The following MS4A2 variants were observed in gnomAD, a reference collection of about 807,000 sequenced individuals.
MS4A2 encodes the protein high affinity immunoglobulin epsilon receptor subunit beta.
A neutral mutation model predicts 27.9 loss-of-function variants in MS4A2; 26 were observed. The observed-to-expected ratio is 0.93, with a 90% CI of 0.68 to 1.29. The LOEUF (loss-of-function observed/expected upper bound fraction) is 1.29, where lower values mean the gene tolerates loss of function less well. MS4A2 is among the 50% of genes most tolerant of loss of function. MS4A2 has a pLI of 0.00. For missense variants in MS4A2, 284 were observed against 284.6 expected (o/e 1.00, Z 0.01); for synonymous variants, 110 against 98.8 (o/e 1.11, Z -0.67).
At position 60,088,804 on chromosome 11, in the gene MS4A2, C is replaced by T; in HGVS notation, c.39C>T (p.Leu13=). 2 of 1,611,520 alleles carry T rather than the reference C, an allele frequency of 1.2e-6. No individual in the cohort carries two copies. The highest frequency in any genetic ancestry group is 1.7e-5 in the Admixed American group (1 of 59,876). The change falls in exon 1 of 7, where the codon CTC becomes CTT. Residue 13 remains leucine (L), a synonymous_variant. Transcript: ENST00000278888. ...TESNRRANLA[L]PQEPSSVPAF... ...GTAATAGGAGAGCAAATCTTGCTCTCCCACAGGAGCCTTCCAGGTAGGTAC... is the reference window on the plus strand; with the variant it reads ...GTAATAGGAGAGCAAATCTTGCTCTTCCACAGGAGCCTTCCAGGTAGGTAC...
intron 3 of MS4A2, 149 bp downstream of exon 3, chr11:60,090,619 T>G (rs972057451): frequency 3.3e-5 from 24 of 721,664 alleles, no homozygotes; most frequent in African/African-American, 5.4e-5. Flanking sequence ...AACATAGATA[T>G]GCTCATTAAC....
intron 2 of MS4A2, 106 bp from the exon 3 acceptor site, chr11:60,090,230 C>T: frequency 8.7e-7 from 1 of 1,145,240 alleles, no homozygotes; most frequent in South Asian, 1.2e-5. Flanking sequence ...TCAGGACAGT[C>T]TAGGACACTA....
In MS4A2 at chr11:60,095,770, T is replaced by G. The variant is rs1855859542; in HGVS notation, c.*114T>G. 1 of 731,810 alleles carries G rather than the reference T, an allele frequency of 1.4e-6. No homozygotes were observed. The highest frequency in any genetic ancestry group is 1.7e-5 in the African/African-American group (1 of 57,388). 45.3% of individuals were successfully genotyped at this position (731,810 alleles called of 1,614,324 possible). ...TCTCCACAGCCTGCTGGTTTTACAT[T>G]AGATTTATTCGCCTGATAAGAATAT... is the stretch of plus-strand genomic sequence containing the variant. On this transcript the variant is annotated 3_prime_UTR_variant, in exon 7 of 7. Transcript: ENST00000278888.
upstream of MS4A2, chr11:60,088,508 G>C: frequency 1.1e-6 from 1 of 906,498 alleles, no homozygotes; most frequent in Non-Finnish European, 1.5e-6. Context: ...TGCTCCAGGA[G>C]TCTCAAATTT....
chr11:60,092,388 C>T (rs764552440), intron 3 of MS4A2, among the ~76,000 whole-genome samples: 7 of 151,900 alleles, frequency 4.6e-5, no homozygotes, highest in African/African-American at 1.2e-4. Flanking sequence ...CTCTGCCTCC[C>T]GGGTTCAAGT....
chr11:60,094,257 T>A (rs990735864), intron 6 of MS4A2, among the ~76,000 whole-genome samples, 195 bp downstream of exon 6: 2 of 152,178 alleles, frequency 1.3e-5, no homozygotes, highest in Non-Finnish European at 2.9e-5. Context: ...TCATAATATA[T>A]CCCTCTGAAT....
At chr11:60,089,655 A>G in intron 1 of MS4A2, 37 bp from the exon 2 acceptor site, 1 of 1,613,906 alleles carries the variant, frequency 6.2e-7, no homozygotes, top group African/African-American at 1.3e-5. Flanking sequence ...GGAGTTACAG[A>G]ATGTTCTCAT....
At chr11:60,094,856 A>G (rs1304443975) in intron 6 of MS4A2, among the ~76,000 whole-genome samples, 1 of 152,146 alleles carries the variant, frequency 6.6e-6, no homozygotes, top group East Asian at 1.9e-4. Context: ...CAAAAACAGA[A>G]AAGGAAACAT....
chr11:60,095,965 A>G lies in MS4A2; in HGVS notation c.*309A>G, dbSNP rs570954733. The G allele has an allele frequency of 1.0e-5, 3 of 289,736 alleles. No individual in the cohort carries two copies. Among genetic ancestry groups the G allele is most frequent in the East Asian group, 1.6e-4 (2 of 12,710 alleles). 17.9% of individuals were successfully genotyped at this position (289,736 alleles called of 1,614,324 possible). The stretch of plus-strand genomic sequence containing the variant: ...TATAACTGTGCAAATACAGAAAAAA[A>G]GAAGGCTGGCTGAAAGTTGAGTTAA... On this transcript the variant is annotated 3_prime_UTR_variant, in exon 7 of 7. Coordinates refer to ENST00000278888, the MANE Select transcript of MS4A2 (RefSeq NM_000139.5).
In MS4A2 at chr11:60,095,916, G is replaced by A. The variant is rs1040585086; in HGVS notation, c.*260G>A. The A allele has an allele frequency of 6.5e-6, 3 of 459,556 alleles. No homozygotes were observed. Among genetic ancestry groups the A allele is most frequent in the Non-Finnish European group, 1.2e-5 (3 of 252,978 alleles). The allele number at this position is 459,556 out of a possible 1,614,324, so 28.5% of individuals were successfully genotyped here. ...ATCTCTGCTGGAAAGTCAACATGTA[G>A]TAAGCAAGATTTAACTGTTTGATTA... On this transcript the variant is annotated 3_prime_UTR_variant, in exon 7 of 7. Transcript: ENST00000278888.
At chr11:60,093,676 G>C (rs187908107) in intron 5 of MS4A2, 118 bp downstream of exon 5, 11 of 1,406,012 alleles carry the variant, frequency 7.8e-6, no homozygotes, top group African/African-American at 1.4e-5. Context: ...ACACAGTATA[G>C]TGGTTCTGTA....
rs753007167 is a variant in MS4A2 at position 60,090,350 on chromosome 11, G to T, written c.201G>T (p.Leu67=). The T allele has an allele frequency of 2.5e-6, 4 of 1,612,890 alleles. No homozygotes were observed. Among genetic ancestry groups the T allele is most frequent in the Non-Finnish European group, 3.4e-6 (4 of 1,179,830 alleles). ...EQEFLGVTQI[L]TAMICLCFGT... The stretch of plus-strand genomic sequence containing the variant: ...TTTTTCTATAGGTAACACAAATTCT[G>T]ACTGCTATGATATGCCTTTGTTTTG... Residue 67 remains leucine (L), a synonymous_variant, in exon 3 of 7, where the codon CTG becomes CTT. Transcript: ENST00000278888.
In MS4A2 at chr11:60,093,635, A is replaced by G. The variant is rs764947894; in HGVS notation, c.537+77A>G. ...GTAAGAAGCCCTCTTCTCCTGTTCC[A>G]TGAACACCATCCTTTTCTGTAACTT... On this transcript the variant is annotated intron_variant, in intron 5 of 6. Transcript: ENST00000278888. 25 of 1,544,934 alleles carry G rather than the reference A, an allele frequency of 1.6e-5. No homozygotes were observed. In the Middle Eastern group the frequency reaches 1.2e-3, roughly 73 times the overall value.
chr11:60,093,012 G>A (rs1354617846), intron 4 of MS4A2, among the ~76,000 whole-genome samples, 164 bp downstream of exon 4: 1 of 152,150 alleles, frequency 6.6e-6, no homozygotes, highest in Non-Finnish European at 1.5e-5. Flanking sequence ...TGCAACAGAA[G>A]TTGGATATAA....
Position 60,093,460 on chromosome 11 carries a change from A to G in MS4A2, c.439A>G (p.Ile147Val), listed in dbSNP as rs922564224. 1 of 1,614,226 alleles carries G rather than the reference A, an allele frequency of 6.2e-7. No individual in the cohort carries two copies. Residue 147 changes from isoleucine to valine, a missense_variant, in exon 5 of 7, where the codon ATC (isoleucine) becomes GTC (valine). Physicochemically the swap from Ile to Val is conservative, Grantham distance 29 (BLOSUM62 3). Coordinates refer to ENST00000278888, the MANE Select transcript of MS4A2 (RefSeq NM_000139.5). ...SSIAGGTGIT[I>V]LIINLKKSLA... is the part of the protein sequence containing the mutation. ...CATAGCTGGGGGAACGGGAATTACC[A>G]TCCTGATCATCAACCTGAAGAAGAG...
upstream of MS4A2, chr11:60,088,568 C>T (rs1374167635): frequency 2.9e-6 from 4 of 1,385,164 alleles, no homozygotes; most frequent in Middle Eastern, 2.7e-4. Context: ...TTTTTCTATT[C>T]ATCACAAGTA....
chr11:60,096,310 G>A lies in MS4A2; in HGVS notation c.*654G>A, dbSNP rs1210656260. On this transcript the variant is annotated 3_prime_UTR_variant, in exon 7 of 7. Transcript: ENST00000278888. ...TTTTATTAAGTTACTCGTTGTCTGGGGAGGTAAATAGGTTAAAAACAGGGA... is the reference window on the plus strand; with the variant it reads ...TTTTATTAAGTTACTCGTTGTCTGGAGAGGTAAATAGGTTAAAAACAGGGA... The A allele has an allele frequency of 6.6e-6, 1 of 152,300 alleles. No homozygotes were observed. Among genetic ancestry groups the A allele is most frequent in the Non-Finnish European group, 1.5e-5 (1 of 68,218 alleles). 9.4% of individuals were successfully genotyped at this position (152,300 alleles called of 1,614,324 possible). A position where few individuals can be genotyped will look rare whatever the true frequency, so the allele number is the denominator to read the frequency against.
chr11:60,092,069 T>C (rs1056893828), intron 3 of MS4A2, among the ~76,000 whole-genome samples: 4 of 152,056 alleles, frequency 2.6e-5, no homozygotes, highest in African/African-American at 9.7e-5. Context: ...CTAAAGGGGC[T>C]GATGGAAGAC....
At chr11:60,092,543 G>A (rs367786658) in intron 3 of MS4A2, among the ~76,000 whole-genome samples, 4 of 152,036 alleles carry the variant, frequency 2.6e-5, no homozygotes, top group Non-Finnish European at 5.9e-5. Flanking sequence ...TGATTCCCCC[G>A]CCTCGGCTTC....
Sources: allele counts gnomAD v4.1 joint callset (sites outside exome capture counted in the v4.1 genomes callset), GRCh38; gene constraint gnomAD v4.1.1; transcripts MANE v1.5; gene names NCBI Gene and HGNC (gene_info 2026-07-23, HGNC 2026-07-21).